Variants in CASZ1 observed in about 807,000 individuals in gnomAD.
The protein encoded by CASZ1 is zinc finger protein castor homolog 1.
In CASZ1, 28 loss-of-function variants were observed where a neutral mutation model predicts 135.2. The observed-to-expected ratio is 0.21, with a 90% confidence interval of 0.15 to 0.28. The LOEUF is 0.28. CASZ1 is among the 10% of genes least tolerant of loss of function. The probability of loss-of-function intolerance (pLI) is 1.00; values close to 1 mark genes in which losing one functional copy is unlikely to be tolerated. For missense variants in CASZ1, 2,161 were observed against 2,453.3 expected, an observed-to-expected ratio of 0.88 and a Z score of 2.52; for synonymous variants, 1,068 against 1,073.4, an observed-to-expected ratio of 0.99 and a Z score of 0.10.
In CASZ1 at chr1:10,756,685, C is replaced by T. The variant is rs192446540; in HGVS notation, c.-77+4016G>A. Among the ~76,000 whole-genome samples, 230 of 152,272 alleles carry T rather than the reference C, an allele frequency of 1.5e-3. 3 individuals carry two copies. Among genetic ancestry groups the T allele is most frequent in the African/African-American group, 5.3e-3 (220 of 41,546 alleles). On this transcript the variant is annotated intron_variant, in intron 2 of 20. Coordinates refer to ENST00000377022, the MANE Select transcript of CASZ1 (RefSeq NM_001079843.3). The surrounding 1 kb of genome is among the most constrained non-coding windows in gnomAD (Gnocchi z 5.9). ...GGGAAAAGGGAGACTGGCCTTCAGG[C>T]GAGCGGGGTACTGGGGCAATTCACA...
At chr1:10,754,390 C>T (rs1453350605) in intron 2 of CASZ1, among the ~76,000 whole-genome samples, 1 of 152,150 alleles carries the variant, frequency 6.6e-6, no homozygotes, top group African/African-American at 2.4e-5. Flanking sequence ...CCCACAGTGT[C>T]GCTGAATGGA....
At chr1:10,688,710 C>T (rs1260101383) in intron 4 of CASZ1, among the ~76,000 whole-genome samples, 1 of 152,218 alleles carries the variant, frequency 6.6e-6, no homozygotes, top group Admixed American at 6.5e-5. Context: ...GGGTGTCTTA[C>T]ATCCTGCTGA....
At chr1:10,782,357 C>T (rs570055356) in intron 1 of CASZ1, among the ~76,000 whole-genome samples, 1 of 152,360 alleles carries the variant, frequency 6.6e-6, no homozygotes, top group East Asian at 1.9e-4. Flanking sequence ...CCTTGGCATC[C>T]ATGAACCCTC....
rs371060653 is a variant in CASZ1, at chr1:10,653,782, C to T, written c.2275G>A (p.Glu759Lys). Residue 759 changes from glutamate (E) to lysine (K), a missense_variant, in exon 11 of 21, where the codon GAG becomes AAG. Physicochemically the swap from Glu to Lys is moderately conservative, Grantham distance 56. Coordinates refer to ENST00000377022, the MANE Select transcript of CASZ1 (RefSeq NM_001079843.3). ...ASLAAATAAT[E>K]AGPSATKPPN... is the part of the protein sequence containing the mutation. ...GGTTTGGTGGCACTGGGCCCAGCCT[C>T]GGTGGCGGCAGTGGCGGCAGCCAGG... 28 of 1,610,692 alleles carry T rather than the reference C, an allele frequency of 1.7e-5. No individual in the cohort carries two copies. In the South Asian group the frequency reaches 1.8e-4, roughly 10 times the overall value.
rs757372016 is a variant in CASZ1 at position 10,643,145 on chromosome 1, G to A, written c.4020+15C>T. On this transcript the variant is annotated intron_variant, in intron 19 of 20. Transcript: ENST00000377022. Reference sequence around the variant, plus strand: ...CGCCACCCTGGCTGGGCTCTCACCTGGGGGGGGCTCTCACCTGGGAGGGGG... The same window carrying A: ...CGCCACCCTGGCTGGGCTCTCACCTAGGGGGGGCTCTCACCTGGGAGGGGG... The A allele has an allele frequency of 3.9e-5, 62 of 1,598,866 alleles. No individual in the cohort carries two copies. Among genetic ancestry groups the A allele is most frequent in the Admixed American group, 1.7e-4 (10 of 59,396 alleles).
chr1:10,647,302 C>G lies in CASZ1; in HGVS notation c.3497+499G>C. ...CCGTTCTCCCTGCAAGGAGCCACCA[C>G]CATCCAGTGAGGAGGGTCCCTTCCA... is the stretch of plus-strand genomic sequence containing the variant. On this transcript the variant is annotated intron_variant, in intron 16 of 20. Transcript: ENST00000377022. The surrounding 1 kb of genome is among the most constrained non-coding windows in gnomAD (Gnocchi z 4.9). 1.0e-6 allele frequency: 1 copy of G among 1,001,630 alleles called. No individual in the cohort carries two copies. Among genetic ancestry groups the G allele is most frequent in the East Asian group, 1.1e-4 (1 of 9,200 alleles). The allele number at this position is 1,001,630 out of a possible 1,614,324, so 62.0% of individuals were successfully genotyped here.
chr1:10,703,579 T>C (rs1384248946), intron 3 of CASZ1, among the ~76,000 whole-genome samples: 7 of 151,804 alleles, frequency 4.6e-5, no homozygotes, highest in Admixed American at 2.0e-4. Flanking sequence ...GACACAGAAA[T>C]AGAAGACCCA....
chr1:10,714,276 C>T (rs1639337848), intron 2 of CASZ1, among the ~76,000 whole-genome samples: 1 of 151,920 alleles, frequency 6.6e-6, no homozygotes, highest in African/African-American at 2.4e-5. Flanking sequence ...CCACTGCACT[C>T]CAGCCTGGGC....
At chr1:10,693,252 A>G (rs1638823004) in intron 4 of CASZ1, among the ~76,000 whole-genome samples, 2 of 152,062 alleles carry the variant, frequency 1.3e-5, no homozygotes. Context: ...CTTTGAACTG[A>G]TAACAGCCAC....
intron 2 of CASZ1, among the ~76,000 whole-genome samples, chr1:10,750,121 G>A (rs1640123756): frequency 6.6e-6 from 1 of 152,102 alleles, no homozygotes; most frequent in Non-Finnish European, 1.5e-5. Flanking sequence ...CCATGGCTCT[G>A]AGAAACCCTG....
intron 1 of CASZ1, among the ~76,000 whole-genome samples, chr1:10,770,437 T>A (rs765770502): frequency 6.6e-6 from 1 of 152,196 alleles, no homozygotes; most frequent in African/African-American, 2.4e-5. Flanking sequence ...TGAGCATAAC[T>A]TGTAATCAAG....
chr1:10,711,588 A>G lies in CASZ1; in HGVS notation c.-76-6044T>C, dbSNP rs914815133. ...GAAAAAATGGAAAACAGGTACTCAA[A>G]AAAAAAAAAAAAAGAAAAACAAACA... On this transcript the variant is annotated intron_variant, in intron 2 of 20. Transcript: ENST00000377022. The surrounding 1 kb of genome is among the most constrained non-coding windows in gnomAD (Gnocchi z 4.4). Among the ~76,000 whole-genome samples, 1 of 150,088 alleles carries G rather than the reference A, an allele frequency of 6.7e-6. No homozygotes were observed. Among genetic ancestry groups the G allele is most frequent in the African/African-American group, 2.4e-5 (1 of 41,054 alleles).
chr1:10,640,095 A>T, intron 20 of CASZ1, 36 bp from the exon 21 acceptor site: 3 of 1,572,446 alleles, frequency 1.9e-6, no homozygotes, highest in Non-Finnish European at 2.6e-6. Context: ...CAGAAGAGGG[A>T]CCCACGTGGG....
At chr1:10,728,643 G>C (rs1420821880) in intron 2 of CASZ1, among the ~76,000 whole-genome samples, 2 of 151,768 alleles carry the variant, frequency 1.3e-5, no homozygotes, top group Non-Finnish European at 2.9e-5. Flanking sequence ...AGGTTAAAGC[G>C]CTCCTGAGGG....
intron 1 of CASZ1, among the ~76,000 whole-genome samples, chr1:10,793,982 G>A (rs1192901030): frequency 1.3e-5 from 2 of 152,162 alleles, no homozygotes; most frequent in South Asian, 4.1e-4. Flanking sequence ...ACGCAAACCC[G>A]GCGCTTTGCG....
At chr1:10,740,311 G>A (rs1639890269) in intron 2 of CASZ1, among the ~76,000 whole-genome samples, 2 of 152,238 alleles carry the variant, frequency 1.3e-5, no homozygotes, top group South Asian at 4.1e-4. Context: ...CCCCGTTCCA[G>A]TGAGGAACCT....
At chr1:10,677,737 A>C (rs1638268799) in intron 4 of CASZ1, among the ~76,000 whole-genome samples, 1 of 152,188 alleles carries the variant, frequency 6.6e-6, no homozygotes. Flanking sequence ...CCAATGCTAC[A>C]CATTTCTGTT....
At chr1:10,702,638 G>C (rs1639085308) in intron 3 of CASZ1, among the ~76,000 whole-genome samples, 1 of 152,140 alleles carries the variant, frequency 6.6e-6, no homozygotes, top group African/African-American at 2.4e-5. Flanking sequence ...AGGCAGTGCT[G>C]GGAGGAGAGG....
chr1:10,786,533 C>T (rs1640862675), intron 1 of CASZ1, among the ~76,000 whole-genome samples: 1 of 152,232 alleles, frequency 6.6e-6, no homozygotes, highest in African/African-American at 2.4e-5. Context: ...TTTCCGTGTC[C>T]TCTCCCGCAT....
Sources: allele counts gnomAD v4.1 joint callset (sites outside exome capture counted in the v4.1 genomes callset), GRCh38; gene constraint gnomAD v4.1.1; non-coding constraint Gnocchi (gnomAD v3.1); transcripts MANE v1.5; gene names NCBI Gene and HGNC (gene_info 2026-07-23, HGNC 2026-07-21).